Variants in CHSY3 observed in about 807,000 individuals in gnomAD.
CHSY3 encodes the protein N-acetylgalactosaminyl-proteoglycan 3-beta-glucuronosyltransferase 3.
A neutral mutation model predicts 67.2 loss-of-function variants in CHSY3; 35 were observed. The observed-to-expected ratio is 0.52, with a 90% CI of 0.40 to 0.69. CHSY3 has a LOEUF of 0.69. Among genes scored for constraint, CHSY3 ranks in the 30% least tolerant of loss-of-function variants. The pLI is 0.00. For missense variants in CHSY3, 1,069 were observed against 1,138.5 expected (o/e 0.94, Z 0.88); for synonymous variants, 474 against 434.7 (o/e 1.09, Z -1.12).
chr5:130,145,599 A>G lies in CHSY3; in HGVS notation c.1087-38630A>G, dbSNP rs117327451. ...CAGGCAGCAAAAACAAAAACAGACA[A>G]ATGAGATTACATCAAACTAAAAAGC... On this transcript the variant is annotated intron_variant, in intron 2 of 2. Transcript: ENST00000305031. 9.9e-4 allele frequency among the ~76,000 whole-genome samples: 151 copies of G among 152,334 alleles called. 1 individual carries two copies. The East Asian group carries it at 0.024, about 24-fold the overall frequency.
chr5:130,151,832 A>G (rs1165611776), intron 2 of CHSY3, among the ~76,000 whole-genome samples: 4 of 152,188 alleles, frequency 2.6e-5, no homozygotes, highest in African/African-American at 9.7e-5. Flanking sequence ...TTATGAGGTT[A>G]CAATTCCAGA....
chr5:129,993,096 G>A (rs1217723403), intron 2 of CHSY3, among the ~76,000 whole-genome samples: 1 of 151,996 alleles, frequency 6.6e-6, no homozygotes, highest in African/African-American at 2.4e-5. Flanking sequence ...CTAGAAAACG[G>A]GTACTGTTAT....
intron 2 of CHSY3, among the ~76,000 whole-genome samples, chr5:129,986,597 T>C (rs1763209795): frequency 2.0e-5 from 3 of 152,190 alleles, no homozygotes; most frequent in African/African-American, 7.2e-5. Flanking sequence ...GATTAGTTTA[T>C]TAACATTTTC....
chr5:130,103,959 A>C (rs545420092), intron 2 of CHSY3, among the ~76,000 whole-genome samples: 1 of 151,928 alleles, frequency 6.6e-6, no homozygotes, highest in African/African-American at 2.4e-5. Flanking sequence ...TATCTCAAAA[A>C]CAGTCCCTTG....
intron 2 of CHSY3, among the ~76,000 whole-genome samples, chr5:130,115,084 G>GT (rs200845930): frequency 0.12 from 17,752 of 146,534 alleles, 1,874 homozygotes; most frequent in East Asian, 0.32. Flanking sequence ...TTGTTCAAAG[G>GT]TTTTTTTTTT....
chr5:130,166,644 C>A (rs1412607098), intron 2 of CHSY3, among the ~76,000 whole-genome samples: 1 of 151,970 alleles, frequency 6.6e-6, no homozygotes, highest in Admixed American at 6.6e-5. Flanking sequence ...AGTGTTGTGC[C>A]CATGCAGAAG....
At chr5:130,072,674 A>AT (rs1412051250) in intron 2 of CHSY3, among the ~76,000 whole-genome samples, 1 of 152,012 alleles carries the variant, frequency 6.6e-6, no homozygotes, top group Non-Finnish European at 1.5e-5. Flanking sequence ...AAACTTTAGG[A>AT]TTTTTTCCTA....
At chr5:130,002,882 A>G (rs144392397) in intron 2 of CHSY3, among the ~76,000 whole-genome samples, 9 of 152,196 alleles carry the variant, frequency 5.9e-5, no homozygotes, top group African/African-American at 1.9e-4. Context: ...ACATAGCCAC[A>G]CTTCTAACCC....
intron 2 of CHSY3, among the ~76,000 whole-genome samples, chr5:130,117,238 C>G (rs1158094653): frequency 6.6e-6 from 1 of 152,138 alleles, no homozygotes; most frequent in East Asian, 1.9e-4. Flanking sequence ...TAAATTGACA[C>G]AAGGATGCAG....
intron 2 of CHSY3, among the ~76,000 whole-genome samples, chr5:130,143,115 AACAG>A (rs1768919693): frequency 6.6e-6 from 1 of 152,164 alleles, no homozygotes; most frequent in Non-Finnish European, 1.5e-5. Context: ...CCTTAATTAC[AACAG>A]ACAAACTTTT....
intron 2 of CHSY3, among the ~76,000 whole-genome samples, chr5:129,981,736 T>C (rs930687454): frequency 6.6e-6 from 1 of 152,154 alleles, no homozygotes; most frequent in Non-Finnish European, 1.5e-5. Context: ...AGTCCCAGCA[T>C]GCTACTGAAA....
At chr5:130,136,596 T>C (rs1265043098) in intron 2 of CHSY3, among the ~76,000 whole-genome samples, 1 of 152,088 alleles carries the variant, frequency 6.6e-6, no homozygotes, top group African/African-American at 2.4e-5. Flanking sequence ...AAAATAATAG[T>C]TTAAGATTTC....
chr5:129,909,258 G>GGAATT (rs1760444461), intron 2 of CHSY3, among the ~76,000 whole-genome samples: 2 of 152,014 alleles, frequency 1.3e-5, no homozygotes, highest in African/African-American at 4.8e-5. Context: ...TGGTTTTCAA[G>GGAATT]TAGTTGGAAT....
intron 2 of CHSY3, among the ~76,000 whole-genome samples, chr5:129,968,591 C>T (rs890922809): frequency 6.6e-6 from 1 of 151,762 alleles, no homozygotes; most frequent in Non-Finnish European, 1.5e-5. Flanking sequence ...TCTCATCTGA[C>T]TGGTTTCTCA....
chr5:130,119,302 C>A (rs1346573106), intron 2 of CHSY3, among the ~76,000 whole-genome samples: 1 of 152,176 alleles, frequency 6.6e-6, no homozygotes, highest in Non-Finnish European at 1.5e-5. Flanking sequence ...TCTAGACTAC[C>A]TTTCTGTGCA....
chr5:130,173,604 A>C (rs1362224230), intron 2 of CHSY3, among the ~76,000 whole-genome samples: 1 of 152,120 alleles, frequency 6.6e-6, no homozygotes, highest in Non-Finnish European at 1.5e-5. Context: ...AGGTGTTATT[A>C]TTTTTAGAAA....
intron 2 of CHSY3, among the ~76,000 whole-genome samples, chr5:130,035,530 T>A (rs1764838245): frequency 6.6e-6 from 1 of 152,094 alleles, no homozygotes; most frequent in Non-Finnish European, 1.5e-5. Flanking sequence ...AGCCTATAAA[T>A]GCCCCCAGGC....
intron 2 of CHSY3, among the ~76,000 whole-genome samples, chr5:129,921,630 C>T (rs1057123072): frequency 2.0e-5 from 3 of 152,194 alleles, no homozygotes; most frequent in Non-Finnish European, 4.4e-5. Flanking sequence ...ATTACATTAG[C>T]ATAACGTTCT....
intron 2 of CHSY3, among the ~76,000 whole-genome samples, chr5:130,137,037 C>T (rs1203867446): frequency 6.6e-6 from 1 of 152,140 alleles, no homozygotes; most frequent in Non-Finnish European, 1.5e-5. Context: ...TACCTTTGTT[C>T]TTTCTGTATT....
Sources: allele counts gnomAD v4.1 joint callset (sites outside exome capture counted in the v4.1 genomes callset), GRCh38; gene constraint gnomAD v4.1.1; transcripts MANE v1.5; gene names NCBI Gene and HGNC (gene_info 2026-07-23, HGNC 2026-07-21).